The following TTYH3 variants were observed in gnomAD, a reference collection of about 807,000 sequenced individuals.
TTYH3 encodes protein tweety homolog 3.
Under a neutral mutation model 68.2 loss-of-function variants are expected in TTYH3, and 23 were observed. That is an observed-to-expected ratio of 0.34 (90% confidence interval 0.24 to 0.48). The LOEUF (loss-of-function observed/expected upper bound fraction) is 0.48, where lower values mean the gene tolerates loss of function less well. TTYH3 is among the 20% of genes least tolerant of loss of function. TTYH3 has a pLI of 0.99. For missense variants in TTYH3, 768 were observed against 727.7 expected, an observed-to-expected ratio of 1.06 and a Z score of -0.64; for synonymous variants, 360 against 332.8, an observed-to-expected ratio of 1.08 and a Z score of -0.89.
At position 2,660,402 on chromosome 7, in the gene TTYH3, G is replaced by A. The variant is rs1254686541; in HGVS notation, c.1501-1266G>A. ...GGGCCCCTGGGCATGTGGCCAGCAG[G>A]CCCTGCCCTGGAGGCACCAACTGCG... On this transcript the variant is annotated intron_variant, in intron 13 of 13. Coordinates refer to ENST00000258796, the MANE Select transcript of TTYH3 (RefSeq NM_025250.3). 4.1e-6 allele frequency: 4 copies of A among 985,276 alleles called. No homozygotes were observed. The African/African-American group carries it at 5.2e-5, about 13-fold the overall frequency. 61.0% of individuals were successfully genotyped at this position (985,276 alleles called of 1,614,324 possible). A position where few individuals can be genotyped will look rare whatever the true frequency, so the allele number is the denominator to read the frequency against.
At chr7:2,650,931 G>T (rs1786157403) in intron 7 of TTYH3, among the ~76,000 whole-genome samples, 1 of 151,960 alleles carries the variant, frequency 6.6e-6, no homozygotes, top group African/African-American at 2.4e-5. Flanking sequence ...GATGTAGGGA[G>T]CGAGAGGGAC....
At chr7:2,649,781 C>T in intron 6 of TTYH3, 132 bp from the exon 7 acceptor site, 1 of 1,407,486 alleles carries the variant, frequency 7.1e-7, no homozygotes, top group South Asian at 1.2e-5. Flanking sequence ...GGGCACAGTC[C>T]ACCTGTAACC....
chr7:2,648,592 C>G (rs1230434728), intron 5 of TTYH3: 1 of 153,098 alleles, frequency 6.5e-6, no homozygotes, highest in African/African-American at 2.4e-5. Flanking sequence ...TGGCTGGTGC[C>G]TCCCTGGGCC....
At chr7:2,633,573 G>A (rs1785582762) in intron 1 of TTYH3, among the ~76,000 whole-genome samples, 1 of 152,218 alleles carries the variant, frequency 6.6e-6, no homozygotes, top group Non-Finnish European at 1.5e-5. Flanking sequence ...CGTTCTAGAA[G>A]CCCAGCCCTG....
chr7:2,638,643 G>A (rs1785745169), intron 1 of TTYH3, among the ~76,000 whole-genome samples: 1 of 152,218 alleles, frequency 6.6e-6, no homozygotes, highest in Non-Finnish European at 1.5e-5. Context: ...GCCGCTGCTG[G>A]CTGCACGTCC....
chr7:2,649,203 C>G (rs896399454), intron 5 of TTYH3, among the ~76,000 whole-genome samples: 1 of 152,098 alleles, frequency 6.6e-6, no homozygotes, highest in Non-Finnish European at 1.5e-5. Flanking sequence ...ATCTAGCTGA[C>G]GTTATCAGGC....
chr7:2,647,661 GC>G, intron 4 of TTYH3, 23 bp downstream of exon 4: 1 of 1,539,296 alleles, frequency 6.5e-7, no homozygotes, highest in Non-Finnish European at 8.8e-7. Flanking sequence ...CCTCTTCCCT[GC>G]CCGCCCCACG....
At chr7:2,655,752 A>G (rs777454914) in intron 9 of TTYH3, among the ~76,000 whole-genome samples, 2 of 152,256 alleles carry the variant, frequency 1.3e-5, no homozygotes, top group Non-Finnish European at 2.9e-5. Context: ...TTTCAAAAGC[A>G]GAGCAGGTCC....
rs755560002 is a variant in TTYH3, at chr7:2,661,699, C to T, written c.1532C>T (p.Ala511Val). ...TCCAGCATGAGAGCCAAATACCTCG[C>T]CACGAGCCAGCCTCGCCCTGACTCC... is the stretch of plus-strand genomic sequence containing the variant. ...YTSSMRAKYL[A>V]TSQPRPDSSG... is the part of the protein sequence containing the mutation. The change falls in exon 14 of 14, where the codon GCC becomes GTC. Residue 511 changes from alanine to valine, a missense_variant. By Grantham distance (64) the Ala-to-Val change is moderately conservative (BLOSUM62 0). Coordinates refer to ENST00000258796, the MANE Select transcript of TTYH3 (RefSeq NM_025250.3). 1.2e-6 allele frequency: 2 copies of T among 1,611,254 alleles called. No individual in the cohort carries two copies. Among genetic ancestry groups the T allele is most frequent in the Non-Finnish European group, 1.7e-6 (2 of 1,179,168 alleles).
intron 13 of TTYH3, chr7:2,659,922 C>G (rs1170197387): frequency 7.7e-7 from 1 of 1,301,106 alleles, no homozygotes. Context: ...GCACCCCACC[C>G]ACCCCGGGCC....
In TTYH3 at chr7:2,662,997, C is replaced by T. The variant is rs937133832; in HGVS notation, c.*1258C>T. ...CTTTGGACTGAGGTCCCTGTGGCCT[C>T]GGTCTCCTCCCCATGAAGTGGGAGC... is the stretch of plus-strand genomic sequence containing the variant. On this transcript the variant is annotated 3_prime_UTR_variant, in exon 14 of 14. Transcript: ENST00000258796. 2 of 152,300 alleles carry T rather than the reference C, an allele frequency of 1.3e-5. No homozygotes were observed. Among genetic ancestry groups the T allele is most frequent in the African/African-American group, 2.4e-5 (1 of 41,472 alleles). 9.4% of individuals were successfully genotyped at this position (152,300 alleles called of 1,614,324 possible).
intron 11 of TTYH3, among the ~76,000 whole-genome samples, chr7:2,657,038 A>G (rs1300286477): frequency 1.3e-5 from 2 of 152,222 alleles, no homozygotes; most frequent in Non-Finnish European, 2.9e-5. Flanking sequence ...TGGAGCCACT[A>G]TGTCCTTACC....
In TTYH3 at chr7:2,647,197, A is replaced by T; in HGVS notation, c.349A>T (p.Arg117Trp). 6.2e-7 allele frequency: 1 copy of T among 1,606,558 alleles called. No homozygotes were observed. Among genetic ancestry groups the T allele is most frequent in the Non-Finnish European group, 8.5e-7 (1 of 1,178,132 alleles). The change falls in exon 3 of 14, where the codon AGG becomes TGG. Residue 117 changes from arginine (R) to tryptophan (W), a missense_variant. By Grantham distance (101) the Arg-to-Trp change is moderately radical (BLOSUM62 -3). Transcript: ENST00000258796. ...CGGGGAGACCAGTGATGGCATCCAT[A>T]GGGCCACCTACTCGCTCCGCCACGC... ...GNGETSDGIH[R>W]ATYSLRHANR...
At chr7:2,639,573 A>G (rs1785774638) in intron 1 of TTYH3, among the ~76,000 whole-genome samples, 1 of 152,184 alleles carries the variant, frequency 6.6e-6, no homozygotes, top group African/African-American at 2.4e-5. Flanking sequence ...TGCTGCTAAG[A>G]TGCCCTGGAA....
intron 9 of TTYH3, 84 bp downstream of exon 9, chr7:2,653,094 C>G (rs1386351881): frequency 1.5e-6 from 2 of 1,324,754 alleles, no homozygotes; most frequent in African/African-American, 1.5e-5. Flanking sequence ...AAACACAGCT[C>G]AGGGCAAATT....
chr7:2,658,491 G>A, intron 12 of TTYH3, 32 bp downstream of exon 12: 1 of 1,584,888 alleles, frequency 6.3e-7, no homozygotes, highest in Non-Finnish European at 8.6e-7. Context: ...GGGGCCAGCG[G>A]ACACGTCAGC....
rs562926330 is a variant in TTYH3 at position 2,660,652 on chromosome 7, G to C, written c.1501-1016G>C. 19 of 771,458 alleles carry C rather than the reference G, an allele frequency of 2.5e-5. No individual in the cohort carries two copies. In the South Asian group the frequency reaches 1.1e-3, roughly 43 times the overall value. 47.8% of individuals were successfully genotyped at this position (771,458 alleles called of 1,614,324 possible). On this transcript the variant is annotated intron_variant, in intron 13 of 13. Coordinates refer to ENST00000258796, the MANE Select transcript of TTYH3 (RefSeq NM_025250.3). ...GGCTCCTCCCCCCACCCCCTCCGTGGCGTCCCCACAGGCTGCTCGAAACCT... is the reference window on the plus strand; with the variant it reads ...GGCTCCTCCCCCCACCCCCTCCGTGCCGTCCCCACAGGCTGCTCGAAACCT...
rs1785538092 is a variant in TTYH3 at position 2,632,136 on chromosome 7, G to A, written c.-20G>A. On this transcript the variant is annotated 5_prime_UTR_variant, in exon 1 of 14. Coordinates refer to ENST00000258796, the MANE Select transcript of TTYH3 (RefSeq NM_025250.3). ...AGCCCCGCGCAGGCCGCGCGCATCC[G>A]GAGGCGGCCGGGCCCCGCCATGGCC... 1.9e-5 allele frequency: 27 copies of A among 1,387,510 alleles called. No homozygotes were observed. Among genetic ancestry groups the A allele is most frequent in the Non-Finnish European group, 2.5e-5 (27 of 1,060,616 alleles). The allele number at this position is 1,387,510 out of a possible 1,614,324, so 85.9% of individuals were successfully genotyped here.
intron 11 of TTYH3, among the ~76,000 whole-genome samples, chr7:2,657,940 CCCCAGCCT>C (rs1786382396): frequency 3.9e-5 from 6 of 152,304 alleles, no homozygotes; most frequent in Non-Finnish European, 7.4e-5. Context: ...CCAAGAGGCA[CCCCAGCCT>C]CCTGTGCCTT....
Sources: allele counts gnomAD v4.1 joint callset (sites outside exome capture counted in the v4.1 genomes callset), GRCh38; gene constraint gnomAD v4.1.1; transcripts MANE v1.5; gene names NCBI Gene and HGNC (gene_info 2026-07-23, HGNC 2026-07-21).